The following PARN variants were observed in gnomAD, a reference collection of about 807,000 sequenced individuals.
PARN encodes poly(A)-specific ribonuclease PARN.
PARN carries 71 observed loss-of-function variants against 102.8 expected under a neutral mutation model. The ratio of observed to expected loss-of-function variants is 0.69; its 90% CI spans 0.57 to 0.84. The LOEUF is 0.84. PARN is among the 40% of genes least tolerant of loss of function. The pLI is 0.00. For missense variants in PARN, 782 were observed against 760.9 expected, an observed-to-expected ratio of 1.03 and a Z score of -0.33; for synonymous variants, 261 against 252.9, an observed-to-expected ratio of 1.03 and a Z score of -0.30.
At position 14,558,641 on chromosome 16, in the gene PARN, T is replaced by C. The variant is rs530107938; in HGVS notation, c.1263-2932A>G. Among the ~76,000 whole-genome samples the C allele has an allele frequency of 5.3e-5, 8 of 152,236 alleles. No homozygotes were observed. In the South Asian group the frequency reaches 1.7e-3, roughly 32 times the overall value. On this transcript the variant is annotated intron_variant, in intron 18 of 23. Transcript: ENST00000437198. ...CTCAAGATTTGATAATACATGGAGG[T>C]CAGTAAATTATAGTTCAAAATTTCA...
chr16:14,627,231 CA>C, intron 4 of PARN, 37 bp downstream of exon 4: 2 of 1,580,156 alleles, frequency 1.3e-6, no homozygotes, highest in Non-Finnish European at 1.7e-6. Context: ...CATTGTGCCA[CA>C]AAAACGGAAT....
Position 14,610,434 on chromosome 16 carries a change from A to G in PARN, c.554+210T>C, listed in dbSNP as rs186312989. On this transcript the variant is annotated intron_variant, in intron 7 of 23. Coordinates refer to ENST00000437198, the MANE Select transcript of PARN (RefSeq NM_002582.4). ...GTTGCAGTAAGCCAGGATTGCACCA[A>G]TGCACTCCAGCCTGGGCAAAAGAGC... 8.2e-4 allele frequency among the ~76,000 whole-genome samples: 124 copies of G among 150,966 alleles called. 1 individual carries two copies. The highest frequency in any genetic ancestry group is 2.8e-3 in the African/African-American group (117 of 41,246).
intron 20 of PARN, 100 bp from the exon 21 acceptor site, chr16:14,552,195 AAG>A: frequency 1.4e-6 from 1 of 725,396 alleles, no homozygotes. Context: ...TCTATCTTTA[AAG>A]AGAGAGAAGG....
intron 11 of PARN, among the ~76,000 whole-genome samples, chr16:14,600,888 C>T (rs960763091): frequency 1.3e-5 from 2 of 152,010 alleles, no homozygotes; most frequent in African/African-American, 2.4e-5. Context: ...AAGCCAAGAT[C>T]GCACCATTGC....
chr16:14,531,112 A>T (rs996518108), intron 21 of PARN, among the ~76,000 whole-genome samples: 6 of 152,180 alleles, frequency 3.9e-5, no homozygotes, highest in Admixed American at 6.5e-5. Flanking sequence ...GCACTTTGGG[A>T]GGCTGAAGCA....
intron 12 of PARN, among the ~76,000 whole-genome samples, chr16:14,597,592 G>A (rs954990588): frequency 1.3e-5 from 2 of 152,114 alleles, no homozygotes; most frequent in African/African-American, 4.8e-5. Flanking sequence ...AGCTACTCAG[G>A]AGGCTGAGGC....
intron 21 of PARN, among the ~76,000 whole-genome samples, chr16:14,486,368 C>T (rs1330841478): frequency 6.6e-6 from 1 of 152,132 alleles, no homozygotes; most frequent in African/African-American, 2.4e-5. Context: ...AAGACCCTAT[C>T]TCGAAAAAAA....
At chr16:14,505,350 G>A (rs897023737) in intron 21 of PARN, among the ~76,000 whole-genome samples, 3 of 152,210 alleles carry the variant, frequency 2.0e-5, no homozygotes, top group African/African-American at 4.8e-5. Context: ...AGTGGCGCAC[G>A]CCTGTAGTCC....
intron 18 of PARN, among the ~76,000 whole-genome samples, chr16:14,562,163 T>C (rs760400644): frequency 6.6e-6 from 1 of 151,018 alleles, no homozygotes; most frequent in Non-Finnish European, 1.5e-5. Context: ...GTACAAAACT[T>C]TGACACATAA....
At chr16:14,622,276 A>T (rs532742265) in intron 5 of PARN, among the ~76,000 whole-genome samples, 1 of 152,338 alleles carries the variant, frequency 6.6e-6, no homozygotes, top group Admixed American at 6.5e-5. Context: ...AAATGCATAT[A>T]TCCTATGTCT....
chr16:14,476,946 C>T (rs1277423194), intron 22 of PARN, among the ~76,000 whole-genome samples: 1 of 152,138 alleles, frequency 6.6e-6, no homozygotes, highest in Admixed American at 6.5e-5. Context: ...AACAGAGGGA[C>T]ACAGAACAAA....
At chr16:14,436,796 A>C in intron 23 of PARN, 24 bp from the exon 24 acceptor site, 1 of 1,549,344 alleles carries the variant, frequency 6.5e-7, no homozygotes, top group Non-Finnish European at 8.8e-7. Flanking sequence ...ACAAAACAAT[A>C]TGAACAGCAG....
intron 23 of PARN, among the ~76,000 whole-genome samples, chr16:14,443,723 C>T (rs1460205948): frequency 2.0e-5 from 3 of 152,178 alleles, no homozygotes; most frequent in Non-Finnish European, 4.4e-5. Context: ...GATATTCCAG[C>T]GTCCTAATTT....
intron 18 of PARN, among the ~76,000 whole-genome samples, chr16:14,567,689 C>T (rs1019317548): frequency 3.3e-5 from 5 of 152,192 alleles, no homozygotes; most frequent in Non-Finnish European, 7.3e-5. Context: ...TCCCTGACCT[C>T]GGTTCTGGCA....
At chr16:14,494,566 G>GAGAGGAAC (rs1964213435) in intron 21 of PARN, among the ~76,000 whole-genome samples, 1 of 152,202 alleles carries the variant, frequency 6.6e-6, no homozygotes, top group African/African-American at 2.4e-5. Flanking sequence ...ACTCATCTGA[G>GAGAGGAAC]AGAGGAACAC....
intron 6 of PARN, among the ~76,000 whole-genome samples, chr16:14,613,363 T>C (rs2151801377): frequency 6.7e-6 from 1 of 149,440 alleles, no homozygotes; most frequent in South Asian, 2.1e-4. Flanking sequence ...GGCTCATGCC[T>C]ATAATCCCAG....
At chr16:14,475,723 C>T (rs906402510) in intron 22 of PARN, among the ~76,000 whole-genome samples, 7 of 152,194 alleles carry the variant, frequency 4.6e-5, no homozygotes, top group Non-Finnish European at 1.0e-4. Context: ...AGTCACAGAG[C>T]AGTGCCTGTC....
intron 18 of PARN, among the ~76,000 whole-genome samples, chr16:14,564,141 C>T (rs1373811329): frequency 6.6e-6 from 1 of 152,140 alleles, no homozygotes; most frequent in Non-Finnish European, 1.5e-5. Flanking sequence ...TCCATAGCCT[C>T]CCTGTGAAAT....
intron 12 of PARN, among the ~76,000 whole-genome samples, chr16:14,596,002 A>G (rs1970482903): frequency 6.6e-6 from 1 of 152,150 alleles, no homozygotes; most frequent in Admixed American, 6.5e-5. Context: ...ACATACATAT[A>G]CAGAGAGACA....
Sources: allele counts gnomAD v4.1 joint callset (sites outside exome capture counted in the v4.1 genomes callset), GRCh38; gene constraint gnomAD v4.1.1; transcripts MANE v1.5; gene names NCBI Gene and HGNC (gene_info 2026-07-23, HGNC 2026-07-21).